ANKRD34B: variants seen among roughly 807,000 people sequenced by gnomAD.
ANKRD34B encodes ankyrin repeat domain 34B.
ANKRD34B carries 2 observed loss-of-function variants against 4.4 expected under a neutral mutation model. That is an observed-to-expected ratio of 0.46 (90% CI 0.19 to 1.44). ANKRD34B has a LOEUF of 1.44. Ranked by LOEUF, ANKRD34B falls within the 40% of genes most tolerant of loss-of-function variation. The pLI is 0.26. For missense variants in ANKRD34B, 558 were observed against 604.7 expected (o/e 0.92, Z 0.81); for synonymous variants, 226 against 227.1 (o/e 0.99, Z 0.05).
intron 2 of ANKRD34B, among the ~76,000 whole-genome samples, chr5:80,568,399 C>T (rs115901409): frequency 0.013 from 2,035 of 152,306 alleles, 58 homozygotes; most frequent in African/African-American, 0.045. Context: ...TAGATGGCTG[C>T]CACAGCCTAG....
chr5:80,559,447 G>T lies in ANKRD34B; in HGVS notation c.573C>A (p.Ile191=), dbSNP rs79104499. The T allele has an allele frequency of 1.1e-3, 1,703 of 1,614,200 alleles. 4 individuals are homozygous for T. The highest frequency in any genetic ancestry group is 1.3e-3 in the Non-Finnish European group (1,574 of 1,180,042). ...GTGAAAGTGGCGATGAGGCAGTTTT[G>T]ATGTCTATTTCTGAAGGAGTGGTGC... ...ATCTTPSEID[I]KTASSPLSHS... The change falls in exon 5 of 5, where the codon ATC becomes ATA. Residue 191 remains isoleucine, a synonymous_variant. Transcript: ENST00000338682.
In ANKRD34B at chr5:80,559,840, A is replaced by T; in HGVS notation, c.180T>A (p.Ser60Arg). 1.2e-6 allele frequency: 2 copies of T among 1,614,074 alleles called. No homozygotes were observed. Among genetic ancestry groups the T allele is most frequent in the South Asian group, 1.1e-5 (1 of 91,082 alleles). ...ATTTCACCATTTTGGCTTTACTGAC[A>T]CTCTGGTGATCGACATGTTTGGTCT... is the stretch of plus-strand genomic sequence containing the variant. Reference protein sequence around the residue: ...ACKTKHVDHQSVSKAKMVKYL... With the variant: ...ACKTKHVDHQRVSKAKMVKYL... Residue 60 changes from serine to arginine, a missense_variant, in exon 5 of 5, where the codon AGT (serine) becomes AGA (arginine). By Grantham distance (110) the Ser-to-Arg change is moderately radical. Coordinates refer to ENST00000338682, the MANE Select transcript of ANKRD34B (RefSeq NM_001004441.3).
rs983302797 is a variant in ANKRD34B at position 80,559,941 on chromosome 5, T to G, written c.79A>C (p.Arg27=). ...TAGGCACCGCCTTCTAGCAAAAGTC[T>G]TGTGAGGCGAAGCCGGCTCTGATGG... ...AVHQSRLRLT[R]LLLEGGAYIN... The change falls in exon 5 of 5, where the codon AGA becomes CGA. Residue 27 remains arginine (R), a synonymous_variant. Coordinates refer to ENST00000338682, the MANE Select transcript of ANKRD34B (RefSeq NM_001004441.3). The G allele has an allele frequency of 2.5e-6, 4 of 1,614,112 alleles. No homozygotes were observed. Among genetic ancestry groups the G allele is most frequent in the Admixed American group, 3.3e-5 (2 of 60,004 alleles).
chr5:80,562,052 C>CGTGTGTGT (rs56934964), intron 4 of ANKRD34B, among the ~76,000 whole-genome samples: 4,475 of 128,150 alleles, frequency 0.035, 166 homozygotes, highest in East Asian at 0.08. Context: ...ACTGACTCAG[C>CGTGTGTGT]GTGTGTGTGT....
At chr5:80,562,241 A>G (rs1948973207) in intron 4 of ANKRD34B, among the ~76,000 whole-genome samples, 1 of 152,122 alleles carries the variant, frequency 6.6e-6, no homozygotes, top group South Asian at 2.1e-4. Context: ...GCAGAATGTC[A>G]GCTCCACCCC....
intron 1 of ANKRD34B, among the ~76,000 whole-genome samples, chr5:80,569,576 GGAGACGCGCCCAAGTCAGCCCCTC>G: frequency 1.3e-4 from 1 of 7,450 alleles, no homozygotes; most frequent in African/African-American, 2.3e-4. Context: ...AGGCACCTGC[GGAGACGCGCCCAAGTCAGCCCCTC>G]CGGAGACGCG....
intron 2 of ANKRD34B, among the ~76,000 whole-genome samples, chr5:80,568,319 CAG>C (rs1483756818): frequency 6.6e-6 from 1 of 152,240 alleles, no homozygotes; most frequent in East Asian, 1.9e-4. Context: ...CAGATTCACA[CAG>C]AGCTGTCTCC....
intron 4 of ANKRD34B, among the ~76,000 whole-genome samples, chr5:80,562,658 C>T (rs113547530): frequency 6.6e-5 from 10 of 152,134 alleles, no homozygotes; most frequent in South Asian, 6.2e-4. Context: ...TTGGTGCCAC[C>T]GCGCCCAGCC....
At position 80,559,217 on chromosome 5, in the gene ANKRD34B, AG is replaced by A; in HGVS notation, c.802del (p.Leu268SerfsTer32). On this transcript the variant is annotated frameshift_variant, in exon 5 of 5. Transcript: ENST00000338682. LOFTEE classifies it low-confidence loss of function (END_TRUNC). ...TTCTTCCTCTGGTGTAATATCCTGG[AG>A]CTCCTCTTGCAATGAAGCCACTCTG... ...QNRVASLQEE[L>X]QDITPEEELS... 1 of 1,614,108 alleles carries A rather than the reference AG, an allele frequency of 6.2e-7. No individual in the cohort carries two copies. The highest frequency in any genetic ancestry group is 8.5e-7 in the Non-Finnish European group (1 of 1,180,020).
chr5:80,558,647 G>C lies in ANKRD34B; in HGVS notation c.1373C>G (p.Pro458Arg). The change falls in exon 5 of 5, where the codon CCT becomes CGT. Residue 458 changes from proline (P) to arginine (R), a missense_variant. By Grantham distance (103) the Pro-to-Arg change is moderately radical. Coordinates refer to ENST00000338682, the MANE Select transcript of ANKRD34B (RefSeq NM_001004441.3). ...GTTGACATTGATATCTGAGATGGGAGGGTGAGAATTTACATTTAAGGGTGG... is the reference window on the plus strand; with the variant it reads ...GTTGACATTGATATCTGAGATGGGACGGTGAGAATTTACATTTAAGGGTGG... ...FLPPLNVNSH[P>R]PISDINVNNK... 2 of 1,614,182 alleles carry C rather than the reference G, an allele frequency of 1.2e-6. No individual in the cohort carries two copies. Among genetic ancestry groups the C allele is most frequent in the African/African-American group, 1.3e-5 (1 of 75,054 alleles).
At chr5:80,567,851 C>G (rs556401149) in intron 2 of ANKRD34B, among the ~76,000 whole-genome samples, 100 of 151,972 alleles carry the variant, frequency 6.6e-4, no homozygotes, top group Non-Finnish European at 1.3e-3. Flanking sequence ...TCAGATGAGG[C>G]AGCAGGGTGC....
At position 80,559,840 on chromosome 5, in the gene ANKRD34B, ACT is replaced by A; in HGVS notation, c.178_179del (p.Ser60CysfsTer3). The A allele has an allele frequency of 5.0e-6, 8 of 1,614,074 alleles. No individual in the cohort carries two copies. Among genetic ancestry groups the A allele is most frequent in the South Asian group, 1.1e-5 (1 of 91,082 alleles). Reference protein sequence around the residue: ...ACKTKHVDHQSVSKAKMVKYL... With the variant: ...ACKTKHVDHQXVSKAKMVKYL... ...ATTTCACCATTTTGGCTTTACTGAC[ACT>A]CTGGTGATCGACATGTTTGGTCTTA... is the stretch of plus-strand genomic sequence containing the variant. On this transcript the variant is annotated frameshift_variant, in exon 5 of 5. Transcript: ENST00000338682. LOFTEE classifies it low-confidence loss of function (END_TRUNC).
chr5:80,560,057 T>C lies in ANKRD34B; in HGVS notation c.-23-15A>G, dbSNP rs187262. On this transcript the variant is annotated splice_polypyrimidine_tract_variant and intron_variant, in intron 4 of 4. Transcript: ENST00000338682. ...GAACTCAATACCTGGTTATCAAAGA[T>C]GGCAAAGACCAAAAGATTAGCCAGA... The C allele has an allele frequency of 0.79, 1,152,456 of 1,461,232 alleles. 456,240 individuals carry two copies. The highest frequency in any genetic ancestry group is 1 in the East Asian group (43,513 of 43,624). 90.5% of individuals were successfully genotyped at this position (1,461,232 alleles called of 1,614,324 possible). A position where few individuals can be genotyped will look rare whatever the true frequency, so the allele number is the denominator to read the frequency against.
chr5:80,559,416 A>G lies in ANKRD34B; in HGVS notation c.604T>C (p.Ser202Pro), dbSNP rs557377804. 6.2e-7 allele frequency: 1 copy of G among 1,614,228 alleles called. No individual in the cohort carries two copies. The highest frequency in any genetic ancestry group is 1.3e-5 in the African/African-American group (1 of 75,054). ...KTASSPLSHS[S>P]ETELTLFGFK... Reference sequence around the variant, plus strand: ...CCAAAAAGCGTCAGTTCCGTTTCAGAAGAATGTGAAAGTGGCGATGAGGCA... The same window carrying G: ...CCAAAAAGCGTCAGTTCCGTTTCAGGAGAATGTGAAAGTGGCGATGAGGCA... The change falls in exon 5 of 5, where the codon TCT becomes CCT. Residue 202 changes from serine to proline, a missense_variant. Physicochemically the swap from Ser to Pro is moderately conservative, Grantham distance 74 (BLOSUM62 -1). Coordinates refer to ENST00000338682, the MANE Select transcript of ANKRD34B (RefSeq NM_001004441.3).
chr5:80,559,368 C>T lies in ANKRD34B; in HGVS notation c.652G>A (p.Gly218Arg). The stretch of plus-strand genomic sequence containing the variant: ...GGGTCCCAGGTATCATCATTGCTTC[C>T]AGCAAGCTCAAGATCTTTAAAGCCA... ...LFGFKDLELAGSNDDTWDPGS... is the reference protein window; with the variant it reads ...LFGFKDLELARSNDDTWDPGS... Residue 218 changes from glycine (G) to arginine (R), a missense_variant, in exon 5 of 5, where the codon GGA becomes AGA. By Grantham distance (125) the Gly-to-Arg change is moderately radical (BLOSUM62 -2). Transcript: ENST00000338682. 1 of 1,614,192 alleles carries T rather than the reference C, an allele frequency of 6.2e-7. No individual in the cohort carries two copies. Among genetic ancestry groups the T allele is most frequent in the Non-Finnish European group, 8.5e-7 (1 of 1,180,040 alleles).
At chr5:80,569,380 C>A (rs1266796409) in intron 1 of ANKRD34B, among the ~76,000 whole-genome samples, 1 of 152,192 alleles carries the variant, frequency 6.6e-6, no homozygotes, top group African/African-American at 2.4e-5. Flanking sequence ...CACCTCTGCA[C>A]CCGGCTCTCT....
intron 1 of ANKRD34B, among the ~76,000 whole-genome samples, chr5:80,569,929 C>T (rs1165986019): frequency 6.6e-6 from 1 of 152,194 alleles, no homozygotes; most frequent in Non-Finnish European, 1.5e-5. Context: ...TGCAGCCCGG[C>T]GGCCCTCGGC....
rs551348160 is a variant in ANKRD34B at position 80,557,767 on chromosome 5, C to T, written c.*708G>A. 6 of 152,176 alleles carry T rather than the reference C, an allele frequency of 3.9e-5. No homozygotes were observed. The highest frequency in any genetic ancestry group is 1.3e-4 in the Admixed American group (2 of 15,272). The allele number at this position is 152,176 out of a possible 1,614,324, so 9.4% of individuals were successfully genotyped here. On this transcript the variant is annotated 3_prime_UTR_variant, in exon 5 of 5. Transcript: ENST00000338682. ...CTTTACAGGTAAGTCTGTTTAAAAA[C>T]CAAAACAAAGCAAAGCAAAACACAG...
Position 80,558,599 on chromosome 5 carries a change from G to A in ANKRD34B, c.1421C>T (p.Ser474Phe), listed in dbSNP as rs1210339308. ...NVNNKICSLL[S>F]CGQKVLMPTV... ...TGGCATAAGCACTTTTTGACCACAAGAAAGAAGGCTGCAAATCTTGTTGTT... is the reference window on the plus strand; with the variant it reads ...TGGCATAAGCACTTTTTGACCACAAAAAAGAAGGCTGCAAATCTTGTTGTT... Residue 474 changes from serine (S) to phenylalanine (F), a missense_variant, in exon 5 of 5, where the codon TCT becomes TTT. By Grantham distance (155) the Ser-to-Phe change is radical. Transcript: ENST00000338682. 6.2e-7 allele frequency: 1 copy of A among 1,614,094 alleles called. No individual in the cohort carries two copies. Among genetic ancestry groups the A allele is most frequent in the East Asian group, 2.2e-5 (1 of 44,886 alleles).
Sources: allele counts gnomAD v4.1 joint callset (sites outside exome capture counted in the v4.1 genomes callset), GRCh38; gene constraint gnomAD v4.1.1; transcripts MANE v1.5; gene names NCBI Gene and HGNC (gene_info 2026-07-23, HGNC 2026-07-21).